FILIP1: variants seen among roughly 807,000 people sequenced by gnomAD.
The protein encoded by FILIP1 is filamin-A-interacting protein 1.
Under a neutral mutation model 102.1 loss-of-function variants are expected in FILIP1, and 61 were observed. The ratio of observed to expected loss-of-function variants is 0.60; its 90% CI spans 0.49 to 0.74. FILIP1 has a LOEUF of 0.74. Among genes scored for constraint, FILIP1 ranks in the 30% least tolerant of loss-of-function variants. The pLI, the probability that FILIP1 is intolerant of heterozygous loss-of-function variation, is 0.00. For missense variants in FILIP1, 1,314 were observed against 1,441.2 expected (o/e 0.91, Z 1.43); for synonymous variants, 491 against 526.9 (o/e 0.93, Z 0.93).
At chr6:75,489,338 C>T (rs577235479) in intron 1 of FILIP1, among the ~76,000 whole-genome samples, 1 of 152,166 alleles carries the variant, frequency 6.6e-6, no homozygotes, top group East Asian at 1.9e-4. Flanking sequence ...GCTTAGAGTA[C>T]CCAGCAGCAA....
In FILIP1 at chr6:75,333,465, A is replaced by G. The variant is rs372179356; in HGVS notation, c.630-18263T>C. Among the ~76,000 whole-genome samples the G allele has an allele frequency of 7.2e-5, 11 of 152,296 alleles. No homozygotes were observed. In the East Asian group the frequency reaches 1.2e-3, roughly 16 times the overall value. ...GGTGGAAAGGATACTTAATTTTACA[A>G]GTAAACAGAAGTTCATCCAGTCACA... is the stretch of plus-strand genomic sequence containing the variant. On this transcript the variant is annotated intron_variant, in intron 4 of 5. Transcript: ENST00000237172.
At chr6:75,402,357 C>T (rs559696488) in intron 2 of FILIP1, among the ~76,000 whole-genome samples, 2 of 152,300 alleles carry the variant, frequency 1.3e-5, no homozygotes, top group South Asian at 4.1e-4. Flanking sequence ...CAACCTGTCT[C>T]TCTGTTGCCT....
At chr6:75,426,697 TAG>T (rs755679414) in intron 1 of FILIP1, among the ~76,000 whole-genome samples, 2 of 151,796 alleles carry the variant, frequency 1.3e-5, no homozygotes, top group Non-Finnish European at 2.9e-5. Flanking sequence ...AAGACAGCAG[TAG>T]AGATAGGGGC....
intron 1 of FILIP1, among the ~76,000 whole-genome samples, chr6:75,425,977 A>G (rs1018599254): frequency 6.6e-6 from 1 of 152,096 alleles, no homozygotes; most frequent in Non-Finnish European, 1.5e-5. Context: ...TTTCTTTAAG[A>G]GGCAGACATT....
At position 75,414,736 on chromosome 6, in the gene FILIP1, G is replaced by A; in HGVS notation, c.237C>T (p.Asp79=). The part of the protein sequence containing the change: ...TKKSLELSKE[D]LIQLLSIMEG... ...CCATTATACTGAGTAGTTGGATGAGGTCTTCTTTGGATAACTCCAGGGATT... is the reference window on the plus strand; with the variant it reads ...CCATTATACTGAGTAGTTGGATGAGATCTTCTTTGGATAACTCCAGGGATT... Residue 79 remains aspartate, a synonymous_variant, in exon 2 of 6, where the codon GAC becomes GAT. Coordinates refer to ENST00000237172, the MANE Select transcript of FILIP1 (RefSeq NM_015687.5). 1.2e-6 allele frequency: 2 copies of A among 1,613,768 alleles called. No homozygotes were observed. Among genetic ancestry groups the A allele is most frequent in the East Asian group, 4.5e-5 (2 of 44,872 alleles).
chr6:75,461,637 A>T (rs1297109866), intron 1 of FILIP1, among the ~76,000 whole-genome samples: 6 of 152,218 alleles, frequency 3.9e-5, no homozygotes, highest in Non-Finnish European at 5.9e-5. Flanking sequence ...TAGGAGAATC[A>T]TCCCTGGATT....
chr6:75,362,657 G>T, intron 3 of FILIP1, 87 bp downstream of exon 3: 7 of 1,391,748 alleles, frequency 5.0e-6, no homozygotes, highest in South Asian at 1.3e-5. Context: ...GCCTTTGAAA[G>T]AAAATGTTAA....
chr6:75,489,818 A>G (rs1188227097), intron 1 of FILIP1, among the ~76,000 whole-genome samples: 2 of 152,076 alleles, frequency 1.3e-5, no homozygotes, highest in Admixed American at 1.3e-4. Flanking sequence ...TTATTGCTAT[A>G]TATATTAAAA....
intron 1 of FILIP1, among the ~76,000 whole-genome samples, chr6:75,437,935 T>C (rs1778080263): frequency 1.3e-5 from 2 of 152,358 alleles, no homozygotes; most frequent in East Asian, 3.8e-4. Flanking sequence ...TAAGATTTCA[T>C]GAATTAATTT....
At chr6:75,348,474 T>C (rs949635318) in intron 4 of FILIP1, among the ~76,000 whole-genome samples, 1 of 152,224 alleles carries the variant, frequency 6.6e-6, no homozygotes, top group Non-Finnish European at 1.5e-5. Context: ...AAAACAAATA[T>C]GCAATCAATG....
At chr6:75,365,854 A>G (rs1775312005) in intron 2 of FILIP1, among the ~76,000 whole-genome samples, 1 of 152,244 alleles carries the variant, frequency 6.6e-6, no homozygotes, top group Non-Finnish European at 1.5e-5. Flanking sequence ...AACAAAGGCA[A>G]ATAATTTCAT....
chr6:75,487,233 T>C (rs1490051683), intron 1 of FILIP1, among the ~76,000 whole-genome samples: 2 of 152,136 alleles, frequency 1.3e-5, no homozygotes, highest in South Asian at 2.1e-4. Context: ...ATAGAATAAT[T>C]AGGAAAAATC....
chr6:75,372,146 T>C (rs1775539956), intron 2 of FILIP1, among the ~76,000 whole-genome samples: 2 of 152,116 alleles, frequency 1.3e-5, no homozygotes, highest in Admixed American at 6.5e-5. Context: ...GTGGATCACC[T>C]GAGGTGAGAT....
chr6:75,365,378 T>C (rs928269128), intron 2 of FILIP1, among the ~76,000 whole-genome samples: 12 of 152,146 alleles, frequency 7.9e-5, no homozygotes, highest in Non-Finnish European at 1.5e-4. Context: ...TTTGTTTTTG[T>C]TTTTGTTTTT....
intron 2 of FILIP1, among the ~76,000 whole-genome samples, chr6:75,386,705 G>A (rs1305413268): frequency 2.0e-5 from 3 of 152,122 alleles, no homozygotes; most frequent in African/African-American, 2.4e-5. Context: ...AGCCACAAAC[G>A]AAGAAAACAA....
In FILIP1 at chr6:75,314,131, G is replaced by C. The variant is rs1270710653; in HGVS notation, c.1701C>G (p.Asn567Lys). 1 of 1,519,750 alleles carries C rather than the reference G, an allele frequency of 6.6e-7. No homozygotes were observed. The highest frequency in any genetic ancestry group is 8.7e-7 in the Non-Finnish European group (1 of 1,144,474). The allele number at this position is 1,519,750 out of a possible 1,614,324, so 94.1% of individuals were successfully genotyped here. Residue 567 changes from asparagine to lysine, a missense_variant, in exon 5 of 6, where the codon AAC (asparagine) becomes AAG (lysine). Physicochemically the swap from Asn to Lys is moderately conservative, Grantham distance 94 (BLOSUM62 0). This residue lies in a region of FILIP1 where 816 missense variants were observed against 913.1 expected (regional missense o/e 0.89). Coordinates refer to ENST00000237172, the MANE Select transcript of FILIP1 (RefSeq NM_015687.5). ...TCAACTCATCTCTTTCTCTTGTCAA[G>C]TTGTATACTTTTTCCTCCATTTCAG... The part of the protein sequence containing the change: ...LKSEMEEKVY[N>K]LTRERDELIG...
intron 1 of FILIP1, among the ~76,000 whole-genome samples, chr6:75,477,916 T>G (rs765498795): frequency 3.3e-5 from 5 of 152,206 alleles, no homozygotes; most frequent in African/African-American, 9.6e-5. Flanking sequence ...CATTGAATAA[T>G]GTACTGCTGT....
At chr6:75,440,983 C>T (rs920355242) in intron 1 of FILIP1, among the ~76,000 whole-genome samples, 20 of 145,810 alleles carry the variant, frequency 1.4e-4, no homozygotes, top group Non-Finnish European at 2.1e-4. Flanking sequence ...AAGAGTAAAA[C>T]TTCCTTTTTT....
intron 2 of FILIP1, among the ~76,000 whole-genome samples, chr6:75,404,024 C>T (rs990218585): frequency 6.6e-5 from 10 of 152,086 alleles, no homozygotes; most frequent in Admixed American, 2.6e-4. Flanking sequence ...CATTTCTGGA[C>T]CTCATTAATT....
Sources: gnomAD v4.1 joint callset for allele counts (sites outside exome capture counted in the v4.1 genomes callset) on GRCh38, gnomAD v4.1.1 for gene constraint, gnomAD v4.1.1 regional missense constraint, MANE v1.5 for transcripts, NCBI Gene and HGNC (gene_info 2026-07-23, HGNC 2026-07-21) for gene names.